RPS2: variants seen among roughly 807,000 people sequenced by gnomAD.
RPS2 encodes the protein small ribosomal subunit protein uS5.
RPS2 carries 8 observed loss-of-function variants against 25.3 expected under a neutral mutation model. The ratio of observed to expected loss-of-function variants is 0.32; its 90% CI spans 0.19 to 0.57. RPS2 has a LOEUF of 0.57. RPS2 is among the 20% of genes least tolerant of loss of function. The probability of loss-of-function intolerance (pLI) is 0.90; values close to 1 mark genes in which losing one functional copy is unlikely to be tolerated. For synonymous variants in RPS2, 181 were observed against 161.3 expected (o/e 1.12, Z -0.92); for missense variants, 229 against 408.1 (o/e 0.56, Z 3.78).
At position 1,964,802 on chromosome 16, in the gene RPS2, C is replaced by G. The variant is rs750747192; in HGVS notation, c.-4+5G>C. ...AGGCCCGCTGCAGCGACCAACAGGA[C>G]TCACGTGTTTTGTCGGAAAAGAAGA... On this transcript the variant is annotated splice_donor_5th_base_variant and intron_variant, in intron 1 of 6. Coordinates refer to ENST00000343262, the MANE Select transcript of RPS2 (RefSeq NM_002952.4). 1.5e-5 allele frequency: 8 copies of G among 543,488 alleles called. No homozygotes were observed. The highest frequency in any genetic ancestry group is 1.6e-5 in the Non-Finnish European group (5 of 312,952). The allele number at this position is 543,488 out of a possible 1,614,324, so 33.7% of individuals were successfully genotyped here.
At chr16:1,962,992 G>A (rs1228560811) in intron 4 of RPS2, 83 bp from the exon 5 acceptor site, 32 of 1,497,780 alleles carry the variant, frequency 2.1e-5, no homozygotes, top group Non-Finnish European at 2.6e-5. Context: ...ACCCCTCAAG[G>A]AAAGAGAGGC....
At chr16:1,963,314 G>T in intron 3 of RPS2, 58 bp from the exon 4 acceptor site, 1 of 1,119,112 alleles carries the variant, frequency 8.9e-7, no homozygotes, top group South Asian at 1.5e-5. Flanking sequence ...ATACCATTAT[G>T]ATATTCAAGA....
chr16:1,963,360 G>GT, intron 3 of RPS2, 104 bp from the exon 4 acceptor site: 2 of 705,036 alleles, frequency 2.8e-6, no homozygotes, highest in Non-Finnish European at 4.8e-6. Context: ...GCTCAAGCCT[G>GT]TAATCCCAGC....
rs1429516829 is a variant in RPS2, at chr16:1,964,819, A to G, written c.-16T>C. The G allele has an allele frequency of 1.9e-6, 1 of 536,634 alleles. No homozygotes were observed. The highest frequency in any genetic ancestry group is 2.0e-5 in the African/African-American group (1 of 49,224). The allele number at this position is 536,634 out of a possible 1,614,324, so 33.2% of individuals were successfully genotyped here. A position where few individuals can be genotyped will look rare whatever the true frequency, so the allele number is the denominator to read the frequency against. ...CAACAGGACTCACGTGTTTTGTCGG[A>G]AAAGAAGAACGAGACCTACTGGGAA... On this transcript the variant is annotated 5_prime_UTR_variant, in exon 1 of 7. Transcript: ENST00000343262.
In RPS2 at chr16:1,962,758, T is replaced by C; in HGVS notation, c.527A>G (p.Lys176Arg). 6.2e-7 allele frequency: 1 copy of C among 1,605,516 alleles called. No individual in the cohort carries two copies. The highest frequency in any genetic ancestry group is 8.5e-7 in the Non-Finnish European group (1 of 1,176,156). Residue 176 changes from lysine to arginine, a missense_variant, in exon 5 of 7, where the codon AAG (lysine) becomes AGG (arginine). By Grantham distance (26) the Lys-to-Arg change is conservative. Coordinates refer to ENST00000343262, the MANE Select transcript of RPS2 (RefSeq NM_002952.4). ...TACCTTGCAAGGGACAGTGTGGGGC[T>C]TGCCGATCTTGTTCCCCCAGTAGCC... ...RRGYWGNKIG[K>R]PHTVPCKVTG... is the part of the protein sequence containing the mutation.
At position 1,962,880 on chromosome 16, in the gene RPS2, G is replaced by A. The variant is rs761932050; in HGVS notation, c.405C>T (p.Gly135=). ...AGCACTTAACACCCAGACCGACGTG[G>A]CCATTGTAGTCCCCGATAGCAACAA... is the stretch of plus-strand genomic sequence containing the variant. ...KAFVAIGDYN[G]HVGLGVKCSK... is the part of the protein sequence containing the mutation. The change falls in exon 5 of 7, where the codon GGC becomes GGT. Residue 135 remains glycine, a synonymous_variant. Transcript: ENST00000343262. 30 of 1,602,274 alleles carry A rather than the reference G, an allele frequency of 1.9e-5. No homozygotes were observed. The Middle Eastern group carries it at 6.6e-4, about 35-fold the overall frequency.
chr16:1,962,939 T>G, intron 4 of RPS2, 30 bp from the exon 5 acceptor site: 2 of 1,596,942 alleles, frequency 1.3e-6, no homozygotes, highest in Non-Finnish European at 1.7e-6. Context: ...AGGCAGCTGG[T>G]GGCCCTACAC....
Position 1,962,596 on chromosome 16 carries a change from T to C in RPS2, c.610A>G (p.Ile204Val). 1 of 1,611,174 alleles carries C rather than the reference T, an allele frequency of 6.2e-7. No homozygotes were observed. The highest frequency in any genetic ancestry group is 8.5e-7 in the Non-Finnish European group (1 of 1,179,698). Residue 204 changes from isoleucine (I) to valine (V), a missense_variant, in exon 6 of 7, where the codon ATC (isoleucine) becomes GTC (valine). Around this residue, in one of 7 missense-constraint regions of RPS2, gnomAD observed 79 missense variants for 159.0 expected, o/e 0.50. Transcript: ENST00000343262. ...RLIPAPRGTG[I>V]VSAPVPKKLL... is the part of the protein sequence containing the mutation. The stretch of plus-strand genomic sequence containing the variant: ...TTCTTAGGCACAGGTGCGGAGACGA[T>C]GCCAGTGCCCCTGGGTGCAGGGATG...
chr16:1,964,255 G>A (rs774951835), intron 3 of RPS2, 21 bp downstream of exon 3: 23 of 1,589,162 alleles, frequency 1.4e-5, no homozygotes, highest in Non-Finnish European at 1.9e-5. Context: ...CTTGCTCAAC[G>A]CCCCAACGAC....
rs777101830 is a variant in RPS2 at position 1,964,333 on chromosome 16, G to T, written c.210C>A (p.Val70=). The T allele has an allele frequency of 6.2e-6, 10 of 1,613,462 alleles. No individual in the cohort carries two copies. The highest frequency in any genetic ancestry group is 8.5e-6 in the Non-Finnish European group (10 of 1,179,898). ...WMPVTKLGRL[V]KDMKIKSLEE... ...CCAGGGACTTGATCTTCATGTCCTT[G>T]ACCAAGCGGCCCAACTTGGTGACGG... is the stretch of plus-strand genomic sequence containing the variant. Residue 70 remains valine, a synonymous_variant, in exon 3 of 7, where the codon GTC becomes GTA. Transcript: ENST00000343262.
chr16:1,964,194 A>C, intron 3 of RPS2, 82 bp downstream of exon 3: 1 of 1,029,538 alleles, frequency 9.7e-7, no homozygotes, highest in Non-Finnish European at 1.5e-6. Flanking sequence ...AATGCGAGTC[A>C]ATGGCAGATG....
chr16:1,964,412 G>T lies in RPS2; in HGVS notation c.177+37C>A, dbSNP rs750296695. 7 of 1,612,644 alleles carry T rather than the reference G, an allele frequency of 4.3e-6. No individual in the cohort carries two copies. In the East Asian group the frequency reaches 6.7e-5, roughly 15 times the overall value. ...GTGACCAGGACCGCTCTCCGGCGCC[G>T]CCCAGGGGCCCGACCCCGAGCGTGG... On this transcript the variant is annotated intron_variant, in intron 2 of 6. Coordinates refer to ENST00000343262, the MANE Select transcript of RPS2 (RefSeq NM_002952.4).
chr16:1,963,173 A>T lies in RPS2; in HGVS notation c.351T>A (p.Arg117=). The stretch of plus-strand genomic sequence containing the variant: ...CCTTGAACCTGGTGCGCTGGCCGGC[A>T]CGGGTCTGCTTCTGCACTGGCATAA... ...LKIMPVQKQT[R]AGQRTRFKAF... is the part of the protein sequence containing the mutation. The change falls in exon 4 of 7, where the codon CGT becomes CGA. Residue 117 remains arginine, a synonymous_variant. Coordinates refer to ENST00000343262, the MANE Select transcript of RPS2 (RefSeq NM_002952.4). The T allele has an allele frequency of 6.9e-6, 11 of 1,599,930 alleles. No homozygotes were observed. Among genetic ancestry groups the T allele is most frequent in the Non-Finnish European group, 9.4e-6 (11 of 1,172,972 alleles).
intron 3 of RPS2, chr16:1,963,832 G>A (rs957280155): frequency 1.3e-5 from 6 of 455,018 alleles, no homozygotes; most frequent in Non-Finnish European, 2.6e-5. Context: ...CATGACCACC[G>A]TACCTTGCTA....
intron 3 of RPS2, chr16:1,963,831 C>T (rs373816100): frequency 1.8e-5 from 8 of 455,586 alleles, no homozygotes; most frequent in African/African-American, 1.4e-4. Flanking sequence ...CCATGACCAC[C>T]GTACCTTGCT....
At position 1,964,604 on chromosome 16, in the gene RPS2, C is replaced by T. The variant is rs772256506; in HGVS notation, c.22G>A (p.Ala8Thr). 3 of 1,520,200 alleles carry T rather than the reference C, an allele frequency of 2.0e-6. No homozygotes were observed. Among genetic ancestry groups the T allele is most frequent in the Non-Finnish European group, 2.6e-6 (3 of 1,137,118 alleles). The allele number at this position is 1,520,200 out of a possible 1,614,324, so 94.2% of individuals were successfully genotyped here. The change falls in exon 2 of 7, where the codon GCG becomes ACG. Residue 8 changes from alanine (A) to threonine (T), a missense_variant. Ala to Thr is a moderately conservative substitution (Grantham distance 58). This residue lies in a region of RPS2 where 27 missense variants were observed against 26.4 expected (regional missense o/e 1.02). Coordinates refer to ENST00000343262, the MANE Select transcript of RPS2 (RefSeq NM_002952.4). MADDAGA[A>T]GGPGGPGGPG... ...CCACCAGGGCCCCCGGGCCCCCCCG[C>T]TGCACCGGCGTCATCCGCCATTTGC...
At position 1,962,217 on chromosome 16, in the gene RPS2, G is replaced by A. The variant is rs2083262383; in HGVS notation, c.763C>T (p.Leu255Phe). ...TTGGTGAATACAGTCTCCTTCCAGAGGTCGGGGGTCAGGTAGCTGTAGGTC... is the reference window on the plus strand; with the variant it reads ...TTGGTGAATACAGTCTCCTTCCAGAAGTCGGGGGTCAGGTAGCTGTAGGTC... ...SKTYSYLTPD[L>F]WKETVFTKSP... The change falls in exon 7 of 7, where the codon CTC (leucine) becomes TTC (phenylalanine). Residue 255 changes from leucine (L) to phenylalanine (F), a missense_variant. Physicochemically the swap from Leu to Phe is conservative, Grantham distance 22. This residue lies in a region of RPS2 where 79 missense variants were observed against 159.0 expected (regional missense o/e 0.50). Coordinates refer to ENST00000343262, the MANE Select transcript of RPS2 (RefSeq NM_002952.4). 6 of 1,609,804 alleles carry A rather than the reference G, an allele frequency of 3.7e-6. No individual in the cohort carries two copies. Among genetic ancestry groups the A allele is most frequent in the South Asian group, 3.3e-5 (3 of 91,042 alleles).
intron 3 of RPS2, chr16:1,963,858 T>C (rs1249992530): frequency 4.5e-6 from 2 of 442,524 alleles, no homozygotes; most frequent in Non-Finnish European, 9.0e-6. Flanking sequence ...AACGCTCACA[T>C]GACAAATATG....
chr16:1,962,432 A>G (rs199952548), intron 6 of RPS2, 65 bp downstream of exon 6: 77 of 1,496,954 alleles, frequency 5.1e-5, no homozygotes, highest in Non-Finnish European at 6.8e-5. Flanking sequence ...CCAAGCACAC[A>G]CTGGACCCGT....
Sources: gnomAD v4.1 joint callset for allele counts on GRCh38, gnomAD v4.1.1 for gene constraint, gnomAD v4.1.1 regional missense constraint, MANE v1.5 for transcripts, NCBI Gene and HGNC (gene_info 2026-07-23, HGNC 2026-07-21) for gene names.